SLC35F4: variants seen among roughly 807,000 people sequenced by gnomAD.
The protein encoded by SLC35F4 is solute carrier family 35 member F4.
A neutral mutation model predicts 44.2 loss-of-function variants in SLC35F4; 24 were observed. That is an observed-to-expected ratio of 0.54 (90% CI 0.39 to 0.76). SLC35F4 has a LOEUF of 0.76. SLC35F4 is among the 30% of genes least tolerant of loss of function. The pLI is 0.00. For synonymous variants in SLC35F4, 238 were observed against 223.6 expected, an observed-to-expected ratio of 1.06 and a Z score of -0.57; for missense variants, 562 against 586.1, an observed-to-expected ratio of 0.96 and a Z score of 0.42.
intron 1 of SLC35F4, among the ~76,000 whole-genome samples, chr14:57,772,962 C>T (rs1681059983): frequency 6.6e-6 from 1 of 152,202 alleles, no homozygotes; most frequent in Admixed American, 6.5e-5. Flanking sequence ...AACAAATTTA[C>T]ATTCCACCAA....
chr14:57,859,398 G>C (rs764047896), intron 1 of SLC35F4, among the ~76,000 whole-genome samples: 1 of 152,126 alleles, frequency 6.6e-6, no homozygotes, highest in Admixed American at 6.5e-5. Context: ...ATCATCTCTG[G>C]TAGTGGAATT....
intron 4 of SLC35F4, among the ~76,000 whole-genome samples, chr14:57,577,887 T>A (rs1055281587): frequency 6.6e-6 from 1 of 152,204 alleles, no homozygotes; most frequent in African/African-American, 2.4e-5. Flanking sequence ...AATTTGCTCA[T>A]GAAAGGGCTT....
chr14:57,947,300 A>G (rs1316578322), intron 1 of SLC35F4, among the ~76,000 whole-genome samples: 1 of 151,012 alleles, frequency 6.6e-6, no homozygotes, highest in Admixed American at 6.6e-5. Context: ...CTGTTGTAAA[A>G]GGGATTGAGT....
At chr14:57,863,260 A>G (rs76936741) in intron 1 of SLC35F4, among the ~76,000 whole-genome samples, 10,976 of 152,318 alleles carry the variant, frequency 0.072, 466 homozygotes, top group Middle Eastern at 0.14. Flanking sequence ...CCTATTGCCC[A>G]TTAAAGTACC....
intron 1 of SLC35F4, among the ~76,000 whole-genome samples, chr14:57,810,397 G>A (rs1209399162): frequency 1.3e-5 from 2 of 152,170 alleles, no homozygotes; most frequent in Admixed American, 6.5e-5. Flanking sequence ...TTTCTATTGC[G>A]TGTATCCCTG....
rs558881659 is a variant in SLC35F4 at position 57,882,073 on chromosome 14, G to T, written n.282+99840C>A. ...ACCTGGGCTAAGTAGTCCACCTGTA[G>T]CCCCTGCTGAGGAAATGGGAGTGGT... is the stretch of plus-strand genomic sequence containing the variant. On this transcript the variant is annotated intron_variant and non_coding_transcript_variant, in intron 1 of 1. Coordinates refer to the SLC35F4 transcript ENST00000556568. Among the ~76,000 whole-genome samples the T allele has an allele frequency of 3.3e-5, 5 of 152,206 alleles. No individual in the cohort carries two copies. In the South Asian group the frequency reaches 1.0e-3, roughly 32 times the overall value.
chr14:57,583,449 G>A (rs1566644236), intron 3 of SLC35F4, among the ~76,000 whole-genome samples: 1 of 152,080 alleles, frequency 6.6e-6, no homozygotes, highest in South Asian at 2.1e-4. Flanking sequence ...TCTTATCACT[G>A]GCCCTAGCCA....
chr14:57,894,911 A>G (rs952867193), intron 1 of SLC35F4, among the ~76,000 whole-genome samples: 8 of 152,178 alleles, frequency 5.3e-5, no homozygotes, highest in Non-Finnish European at 8.8e-5. Context: ...GTCTTATTAT[A>G]TAACTAAGGA....
chr14:57,933,773 G>A (rs972996126), intron 1 of SLC35F4, among the ~76,000 whole-genome samples: 20 of 152,140 alleles, frequency 1.3e-4, no homozygotes, highest in South Asian at 6.2e-4. Flanking sequence ...TCAATACTCT[G>A]TTAAAACCCT....
intron 1 of SLC35F4, among the ~76,000 whole-genome samples, chr14:57,738,787 A>ATG (rs1491518109): frequency 1.4e-3 from 133 of 96,936 alleles, no homozygotes; most frequent in African/African-American, 3.7e-3. Flanking sequence ...ATATATATAT[A>ATG]GGCTTCATAT....
intron 1 of SLC35F4, among the ~76,000 whole-genome samples, chr14:57,619,767 T>C (rs1016673431): frequency 6.6e-6 from 1 of 152,000 alleles, no homozygotes; most frequent in African/African-American, 2.4e-5. Flanking sequence ...CATGTTCTAA[T>C]GAAATGCAAG....
chr14:57,732,917 A>G (rs1243586059), intron 1 of SLC35F4, among the ~76,000 whole-genome samples: 2 of 152,206 alleles, frequency 1.3e-5, no homozygotes, highest in African/African-American at 4.8e-5. Context: ...TTGAAAACAA[A>G]CCATCTGTTG....
intron 1 of SLC35F4, among the ~76,000 whole-genome samples, chr14:57,801,226 GA>G (rs1236781300): frequency 1.3e-5 from 2 of 152,174 alleles, no homozygotes; most frequent in Non-Finnish European, 2.9e-5. Flanking sequence ...CATTCTGAAA[GA>G]AAAGAATTTC....
chr14:57,937,567 A>AAG lies in SLC35F4; in HGVS notation n.282+44344_282+44345dup, dbSNP rs1173992225. Among the ~76,000 whole-genome samples the AAG allele has an allele frequency of 5.4e-3, 788 of 146,646 alleles. 16 individuals are homozygous for AAG. Among genetic ancestry groups the AAG allele is most frequent in the African/African-American group, 0.017 (690 of 39,872 alleles). On this transcript the variant is annotated intron_variant and non_coding_transcript_variant, in intron 1 of 1. Coordinates refer to the SLC35F4 transcript ENST00000556568. ...AGAAGGAAGGAAGGAAAGAAAAGAA[A>AAG]AGAAAAGAGAAAAGAAAAGAAAGAA... is the stretch of plus-strand genomic sequence containing the variant.
chr14:57,723,243 T>C (rs922945176), intron 1 of SLC35F4, among the ~76,000 whole-genome samples: 2 of 55,834 alleles, frequency 3.6e-5, no homozygotes, highest in South Asian at 5.7e-4. Context: ...ATAATTGGCA[T>C]AGACATACTT....
At chr14:57,718,636 GTCT>G (rs1242124748) in intron 1 of SLC35F4, among the ~76,000 whole-genome samples, 8 of 152,282 alleles carry the variant, frequency 5.3e-5, no homozygotes, top group Admixed American at 3.9e-4. Context: ...CCATTTGCAT[GTCT>G]TCTTTTGCGA....
intron 1 of SLC35F4, among the ~76,000 whole-genome samples, chr14:57,614,845 A>C (rs1281234352): frequency 2.0e-5 from 3 of 152,190 alleles, no homozygotes; most frequent in Non-Finnish European, 4.4e-5. Context: ...AGTGCATATG[A>C]GGGGTTTGTA....
At chr14:57,889,156 T>C (rs574536162) in intron 1 of SLC35F4, among the ~76,000 whole-genome samples, 3 of 152,348 alleles carry the variant, frequency 2.0e-5, no homozygotes, top group Non-Finnish European at 4.4e-5. Flanking sequence ...AGCTGCCCTA[T>C]ATAAACGATT....
At chr14:57,787,364 C>A (rs1224034856) in intron 1 of SLC35F4, among the ~76,000 whole-genome samples, 2 of 152,050 alleles carry the variant, frequency 1.3e-5, no homozygotes, top group Non-Finnish European at 2.9e-5. Context: ...GGAAAACATC[C>A]CCAGCCTTGC....
Sources: gnomAD v4.1 joint callset for allele counts (sites outside exome capture counted in the v4.1 genomes callset) on GRCh38, gnomAD v4.1.1 for gene constraint, MANE v1.5 for transcripts, NCBI Gene and HGNC (gene_info 2026-07-23, HGNC 2026-07-21) for gene names.